Variants in B4GALNT2 observed in about 807,000 individuals in gnomAD.
B4GALNT2 encodes N-acetylneuraminylgalactosylglucosyl-glucoside beta-1,4-N- acetylgalactosaminyltransferase 2.
In B4GALNT2, 42 loss-of-function variants were observed where a neutral mutation model predicts 51.1. That is an observed-to-expected ratio of 0.82 (90% CI 0.64 to 1.06). The LOEUF is 1.06. Ranked by LOEUF, B4GALNT2 falls within the 50% of genes least tolerant of loss-of-function variation. The probability of loss-of-function intolerance (pLI) is 0.00; values close to 1 mark genes in which losing one functional copy is unlikely to be tolerated. For missense variants in B4GALNT2, 602 were observed against 633.6 expected (o/e 0.95, Z 0.54); for synonymous variants, 253 against 251.7 (o/e 1.01, Z -0.05).
chr17:49,155,637 ATATAT>A (rs1391680215), intron 4 of B4GALNT2, among the ~76,000 whole-genome samples: 12 of 148,350 alleles, frequency 8.1e-5, no homozygotes, highest in Admixed American at 4.1e-4. Flanking sequence ...ATAGAAACAT[ATATAT>A]TATATTAATG....
chr17:49,135,320 T>C (rs2144267885), intron 1 of B4GALNT2, among the ~76,000 whole-genome samples: 1 of 152,122 alleles, frequency 6.6e-6, no homozygotes, highest in Non-Finnish European at 1.5e-5. Flanking sequence ...ATAACTTTGC[T>C]CTTTAGTAGT....
intron 3 of B4GALNT2, chr17:49,148,592 G>A: frequency 2.1e-6 from 1 of 467,840 alleles, no homozygotes; most frequent in Non-Finnish European, 4.1e-6. Context: ...TACCCTTGTT[G>A]GTAAGGTACG....
In B4GALNT2 at chr17:49,164,118, C is replaced by T; in HGVS notation, c.797C>T (p.Ala266Val). 1 of 1,614,138 alleles carries T rather than the reference C, an allele frequency of 6.2e-7. No individual in the cohort carries two copies. Among genetic ancestry groups the T allele is most frequent in the Non-Finnish European group, 8.5e-7 (1 of 1,180,000 alleles). The change falls in exon 8 of 11, where the codon GCT becomes GTT. Residue 266 changes from alanine (A) to valine (V), a missense_variant. Physicochemically the swap from Ala to Val is moderately conservative, Grantham distance 64. Coordinates refer to ENST00000393354, the MANE Select transcript of B4GALNT2 (RefSeq NM_001159387.2). Reference protein sequence around the residue: ...ERKLRNLVTIATKTFLRPHKL... With the variant: ...ERKLRNLVTIVTKTFLRPHKL... ...AAGCTCAGAAACCTGGTTACCATTGCTACCAAGACTTTCCTCCGCCCCCAC... is the reference window on the plus strand; with the variant it reads ...AAGCTCAGAAACCTGGTTACCATTGTTACCAAGACTTTCCTCCGCCCCCAC...
chr17:49,167,816 G>A (rs1484131725), intron 9 of B4GALNT2, among the ~76,000 whole-genome samples: 1 of 152,018 alleles, frequency 6.6e-6, no homozygotes, highest in Non-Finnish European at 1.5e-5. Context: ...CACCATATTG[G>A]CCAGGCTGCT....
chr17:49,143,285 A>T (rs1280952778), intron 3 of B4GALNT2, among the ~76,000 whole-genome samples: 1 of 138,406 alleles, frequency 7.2e-6, no homozygotes, highest in Non-Finnish European at 1.5e-5. Context: ...CAAACAAACA[A>T]CAACAACAAC....
At chr17:49,138,138 G>T (rs1048291419) in intron 1 of B4GALNT2, among the ~76,000 whole-genome samples, 1 of 152,156 alleles carries the variant, frequency 6.6e-6, no homozygotes, top group Non-Finnish European at 1.5e-5. Context: ...AGGCCATTTA[G>T]GCACTTAATC....
rs141674502 is a variant in B4GALNT2 at position 49,157,314 on chromosome 17, C to A, written c.498+711C>A. On this transcript the variant is annotated intron_variant, in intron 5 of 10. Coordinates refer to ENST00000393354, the MANE Select transcript of B4GALNT2 (RefSeq NM_001159387.2). The stretch of plus-strand genomic sequence containing the variant: ...AGCTGGGACTGCAGGCACGCACCAA[C>A]AAACCTGGTTAATTTTTTTTTTTTG... 7.1e-4 allele frequency among the ~76,000 whole-genome samples: 105 copies of A among 148,142 alleles called. 1 individual carries two copies. The East Asian group carries it at 0.015, about 21-fold the overall frequency.
rs572693066 is a variant in B4GALNT2, at chr17:49,173,316, T to C, written c.*3588T>C. ...GAATCAGAAATCACATTGATAGGCC[T>C]ATTAAAAGCAGTCAATACCTCAATT... On this transcript the variant is annotated 3_prime_UTR_variant, in exon 11 of 11. Transcript: ENST00000393354. 4 of 152,376 alleles carry C rather than the reference T, an allele frequency of 2.6e-5. No homozygotes were observed. The South Asian group carries it at 8.3e-4, about 32-fold the overall frequency. The allele number at this position is 152,376 out of a possible 1,614,324, so 9.4% of individuals were successfully genotyped here.
intron 5 of B4GALNT2, 34 bp from the exon 6 acceptor site, chr17:49,159,003 T>C: frequency 1.9e-6 from 3 of 1,603,674 alleles, no homozygotes; most frequent in Non-Finnish European, 2.6e-6. Context: ...TTCCAATCCC[T>C]GCATTGAGCA....
intron 3 of B4GALNT2, chr17:49,149,122 G>C (rs889569011): frequency 1.3e-5 from 2 of 152,150 alleles, no homozygotes; most frequent in African/African-American, 4.8e-5. Flanking sequence ...CTCGGTGGCT[G>C]CAGGGTCTGG....
chr17:49,143,474 C>T (rs903265973), intron 3 of B4GALNT2, among the ~76,000 whole-genome samples: 2 of 152,076 alleles, frequency 1.3e-5, no homozygotes, highest in African/African-American at 2.4e-5. Context: ...GGCTCCAGGG[C>T]CATCTGGTCC....
At chr17:49,136,176 C>T (rs1051240143) in intron 1 of B4GALNT2, among the ~76,000 whole-genome samples, 3 of 151,598 alleles carry the variant, frequency 2.0e-5, no homozygotes, top group African/African-American at 7.3e-5. Context: ...TACATCTCTA[C>T]AAAATTGAGC....
intron 1 of B4GALNT2, among the ~76,000 whole-genome samples, chr17:49,139,735 T>C (rs1245573428): frequency 6.6e-6 from 1 of 152,140 alleles, no homozygotes; most frequent in East Asian, 1.9e-4. Flanking sequence ...AGGACGGTCC[T>C]GAACTCCTGG....
chr17:49,164,347 G>T (rs1318803181), intron 8 of B4GALNT2, 72 bp downstream of exon 8: 4 of 1,398,610 alleles, frequency 2.9e-6, no homozygotes, highest in Non-Finnish European at 4.0e-6. Flanking sequence ...TTCTACCCTG[G>T]ATGGGGCCGC....
At chr17:49,133,086 G>C in intron 1 of B4GALNT2, 1 of 1,514,766 alleles carries the variant, frequency 6.6e-7, no homozygotes, top group Non-Finnish European at 8.8e-7. Flanking sequence ...TCGCGGCCGG[G>C]AATGTGTCTC....
chr17:49,152,884 C>A lies in B4GALNT2; in HGVS notation c.438C>A (p.Pro146=), dbSNP rs748990093. 5.6e-6 allele frequency: 9 copies of A among 1,610,564 alleles called. No homozygotes were observed. The African/African-American group carries it at 1.1e-4, about 19-fold the overall frequency. The change falls in exon 4 of 11, where the codon CCC becomes CCA. Residue 146 remains proline, a synonymous_variant. Transcript: ENST00000393354. The part of the protein sequence containing the change: ...GYPVHGVEVM[P]LHTVPIPGLQ... ...CAGTCCACGGAGTGGAGGTGATGCC[C>A]CTGCACACGGTTCCCATCCCAGGTA...
chr17:49,153,030 G>A (rs1406694344), intron 4 of B4GALNT2, 124 bp downstream of exon 4: 7 of 847,290 alleles, frequency 8.3e-6, no homozygotes, highest in Non-Finnish European at 1.3e-5. Context: ...TCCAAAGCAG[G>A]AGTTCAAGAC....
At chr17:49,155,755 G>C (rs1032644196) in intron 4 of B4GALNT2, among the ~76,000 whole-genome samples, 1 of 150,920 alleles carries the variant, frequency 6.6e-6, no homozygotes, top group African/African-American at 2.4e-5. Flanking sequence ...ACGCAGTCTT[G>C]CTCTGTCGCC....
At chr17:49,150,153 G>A (rs527705611) in intron 3 of B4GALNT2, among the ~76,000 whole-genome samples, 2 of 149,726 alleles carry the variant, frequency 1.3e-5, no homozygotes, top group Admixed American at 6.6e-5. Context: ...ACTGGGAAGT[G>A]AGGAGCCCCT....
Sources: allele counts gnomAD v4.1 joint callset (sites outside exome capture counted in the v4.1 genomes callset), GRCh38; gene constraint gnomAD v4.1.1; transcripts MANE v1.5; gene names NCBI Gene and HGNC (gene_info 2026-07-23, HGNC 2026-07-21).